KEAP1: variants seen among roughly 807,000 people sequenced by gnomAD.
The protein encoded by KEAP1 is kelch like ECH associated protein 1.
In KEAP1, 26 loss-of-function variants were observed where a neutral mutation model predicts 59.7. The ratio of observed to expected loss-of-function variants is 0.44; its 90% CI spans 0.32 to 0.60. KEAP1 has a LOEUF of 0.60. KEAP1 is among the 20% of genes least tolerant of loss of function. The pLI is 0.06. For missense variants in KEAP1, 539 were observed against 871.4 expected (o/e 0.62, Z 4.80); for synonymous variants, 350 against 358.3 (o/e 0.98, Z 0.26).
In KEAP1 at chr19:10,486,821, G is replaced by A. The variant is rs2144579068; in HGVS notation, c.1709-3C>T. On this transcript the variant is annotated splice_region_variant and splice_polypyrimidine_tract_variant and intron_variant, in intron 5 of 5. Transcript: ENST00000171111. ...GAACGTGTGACCATCATAGCCTCCT[G>A]CGGGAAGAACAGAAGGGATGGTCAC... 6.2e-7 allele frequency: 1 copy of A among 1,611,674 alleles called. No individual in the cohort carries two copies. Among genetic ancestry groups the A allele is most frequent in the East Asian group, 2.2e-5 (1 of 44,804 alleles).
chr19:10,492,272 G>A lies in KEAP1; in HGVS notation c.640-10C>T. 1 of 1,601,844 alleles carries A rather than the reference G, an allele frequency of 6.2e-7. No individual in the cohort carries two copies. Reference sequence around the variant, plus strand: ...CCTCTTGCTTGGCCACCTGCAGAGGGCGACAGTGGGACGGGCTGACTCTCC... The same window carrying A: ...CCTCTTGCTTGGCCACCTGCAGAGGACGACAGTGGGACGGGCTGACTCTCC... On this transcript the variant is annotated splice_polypyrimidine_tract_variant and intron_variant, in intron 2 of 5. Transcript: ENST00000171111.
intron 2 of KEAP1, among the ~76,000 whole-genome samples, chr19:10,494,475 C>T (rs1239749328): frequency 1.2e-4 from 18 of 149,326 alleles, no homozygotes; most frequent in South Asian, 4.3e-4. Flanking sequence ...GGACTACAGG[C>T]GCCCACCACC....
chr19:10,500,664 C>T (rs1016439640), intron 1 of KEAP1, among the ~76,000 whole-genome samples: 21 of 149,600 alleles, frequency 1.4e-4, no homozygotes, highest in Non-Finnish European at 3.0e-4. Context: ...ACGTGAGAAT[C>T]GGGTGCAGTT....
intron 1 of KEAP1, among the ~76,000 whole-genome samples, chr19:10,500,681 C>CTTTT (rs539575991): frequency 7.8e-6 from 1 of 128,720 alleles, no homozygotes; most frequent in African/African-American, 2.9e-5. Flanking sequence ...AGTTTGTTTG[C>CTTTT]TTTTTTTTTT....
chr19:10,492,657 G>A (rs1218757367), intron 2 of KEAP1: 11 of 203,412 alleles, frequency 5.4e-5, no homozygotes, highest in African/African-American at 2.1e-4. Flanking sequence ...GGCGGGAGGC[G>A]GAGGTTGCAG....
At chr19:10,490,334 A>G (rs1440918144) in intron 3 of KEAP1, 1 of 125,834 alleles carries the variant, frequency 7.9e-6, no homozygotes, top group African/African-American at 3.1e-5. Flanking sequence ...TGAAGCTTCA[A>G]ACTTTTTTTT....
intron 2 of KEAP1, among the ~76,000 whole-genome samples, chr19:10,493,722 T>C (rs1354842919): frequency 4.0e-5 from 6 of 151,262 alleles, no homozygotes; most frequent in Non-Finnish European, 8.8e-5. Context: ...CCACCGTGCC[T>C]GGCTAATATT....
Position 10,499,398 on chromosome 19 carries a change from C to T in KEAP1, c.636G>A (p.Gly212=), listed in dbSNP as rs1416309989. The T allele has an allele frequency of 5.6e-6, 9 of 1,594,756 alleles. No individual in the cohort carries two copies. The highest frequency in any genetic ancestry group is 7.7e-6 in the Non-Finnish European group (9 of 1,171,348). The change falls in exon 2 of 6, where the codon GGG becomes GGA. Residue 212 remains glycine, a synonymous_variant. Coordinates refer to ENST00000171111, the MANE Select transcript of KEAP1 (RefSeq NM_203500.2). This position sits in a 1 kb window ranked among gnomAD's most constrained non-coding sequence, Gnocchi z 6.7. ...RAREYIYMHF[G]EVAKQEEFFN... ...CCAGCCCCACTTCCCCGCTCACCTC[C>T]CCAAAATGCATGTAGATGTACTCCC...
rs770882251 is a variant in KEAP1 at position 10,499,785 on chromosome 19, G to A, written c.249C>T (p.Val83=). The A allele has an allele frequency of 3.7e-6, 6 of 1,613,954 alleles. No homozygotes were observed. The East Asian group carries it at 1.1e-4, about 30-fold the overall frequency. Residue 83 remains valine (V), a synonymous_variant, in exon 2 of 6, where the codon GTC becomes GTT. Coordinates refer to ENST00000171111, the MANE Select transcript of KEAP1 (RefSeq NM_203500.2). The surrounding 1 kb of genome is among the most constrained non-coding windows in gnomAD (Gnocchi z 6.7). Reference sequence around the variant, plus strand: ...GGGCGGCCGGTGCATCCTGGTACTTGACCTGCAGTGTGACGTCACACAGCT... The same window carrying A: ...GGGCGGCCGGTGCATCCTGGTACTTAACCTGCAGTGTGACGTCACACAGCT... ...SQQLCDVTLQ[V]KYQDAPAAQF...
At chr19:10,496,640 A>G (rs1914861789) in intron 2 of KEAP1, among the ~76,000 whole-genome samples, 1 of 151,624 alleles carries the variant, frequency 6.6e-6, no homozygotes, top group Non-Finnish European at 1.5e-5. Context: ...TGTCTCTACT[A>G]AAAATACAAA....
In KEAP1 at chr19:10,500,184, G is replaced by A. The variant is rs1914993009; in HGVS notation, c.-47-104C>T. ...AAGCAATTCCTAGGTCAGTTTTCCT[G>A]CAAAGTAGGTGAAGCAGAATCCATT... On this transcript the variant is annotated intron_variant, in intron 1 of 5. Transcript: ENST00000171111. 5.0e-6 allele frequency: 4 copies of A among 804,186 alleles called. No individual in the cohort carries two copies. The East Asian group carries it at 1.1e-4, about 22-fold the overall frequency. The allele number at this position is 804,186 out of a possible 1,614,324, so 49.8% of individuals were successfully genotyped here. A position where few individuals can be genotyped will look rare whatever the true frequency, so the allele number is the denominator to read the frequency against.
intron 3 of KEAP1, 117 bp from the exon 4 acceptor site, chr19:10,489,970 C>T (rs1914613984): frequency 9.8e-7 from 1 of 1,018,894 alleles, no homozygotes; most frequent in Admixed American, 2.4e-5. Flanking sequence ...GAGACAGGTT[C>T]ATCCGGCGCG....
chr19:10,498,199 C>CTT lies in KEAP1; in HGVS notation c.639+1194_639+1195dup, dbSNP rs35066564. 2.9e-3 allele frequency among the ~76,000 whole-genome samples: 312 copies of CTT among 106,118 alleles called. 17 individuals are homozygous for CTT. The East Asian group carries it at 0.033, about 11-fold the overall frequency. 69.6% of individuals were successfully genotyped at this position (106,118 alleles called of 152,430 possible). A position where few individuals can be genotyped will look rare whatever the true frequency, so the allele number is the denominator to read the frequency against. ...ATAGGCATGAGCCACCGCGCCCAGG[C>CTT]TTTTTTTTTTTTTTTTTTGAGACAG... On this transcript the variant is annotated intron_variant, in intron 2 of 5. Coordinates refer to ENST00000171111, the MANE Select transcript of KEAP1 (RefSeq NM_203500.2).
At chr19:10,489,577 C>A (rs1914597109) in intron 4 of KEAP1, 71 bp downstream of exon 4, 28 of 1,553,230 alleles carry the variant, frequency 1.8e-5, no homozygotes, top group Non-Finnish European at 2.2e-5. Flanking sequence ...CTCTCCCAGG[C>A]CTGGCTCAGT....
intron 5 of KEAP1, 72 bp downstream of exon 5, chr19:10,489,120 A>G (rs1188144832): frequency 1.2e-5 from 11 of 920,602 alleles, no homozygotes; most frequent in East Asian, 8.5e-5. Context: ...AAAAAAAAAA[A>G]GGAAAGCAAA....
In KEAP1 at chr19:10,503,000, G is replaced by A. The variant is rs1915097999; in HGVS notation, c.-48+241C>T. 2.0e-5 allele frequency: 3 copies of A among 152,134 alleles called. 1 individual carries two copies. The South Asian group carries it at 6.2e-4, about 32-fold the overall frequency. 9.4% of individuals were successfully genotyped at this position (152,134 alleles called of 1,614,324 possible). On this transcript the variant is annotated intron_variant, in intron 1 of 5. Transcript: ENST00000171111. This position sits in a 1 kb window ranked among gnomAD's most constrained non-coding sequence, Gnocchi z 4.0. ...TTAGCCGCGTGGTCCGAGTCGCGGG[G>A]AGTCTGAACCCCGAGTTCCAGGCCT... is the stretch of plus-strand genomic sequence containing the variant.
At position 10,486,731 on chromosome 19, in the gene KEAP1, G is replaced by A. The variant is rs1427393830; in HGVS notation, c.1796C>T (p.Ser599Leu). 9.9e-6 allele frequency: 16 copies of A among 1,614,058 alleles called. No individual in the cohort carries two copies. Among genetic ancestry groups the A allele is most frequent in the Non-Finnish European group, 1.4e-5 (16 of 1,180,026 alleles). The change falls in exon 6 of 6, where the codon TCG (serine) becomes TTG (leucine). Residue 599 changes from serine to leucine, a missense_variant. By Grantham distance (145) the Ser-to-Leu change is moderately radical (BLOSUM62 -2). Coordinates refer to ENST00000171111, the MANE Select transcript of KEAP1 (RefSeq NM_203500.2). ...DTWSEVTRMT[S>L]GRSGVGVAVT... ...AGCCACGCCCACCCCACTCCGGCCC[G>A]ATGTCATTCGGGTCACCTCGCTCCA... is the stretch of plus-strand genomic sequence containing the variant.
chr19:10,495,863 A>G (rs1161374518), intron 2 of KEAP1, among the ~76,000 whole-genome samples: 1 of 152,170 alleles, frequency 6.6e-6, no homozygotes, highest in South Asian at 2.1e-4. Flanking sequence ...AAGTAAGGCT[A>G]CTTCTAGGGT....
At chr19:10,488,379 G>A (rs2144583261) in intron 5 of KEAP1, among the ~76,000 whole-genome samples, 1 of 152,152 alleles carries the variant, frequency 6.6e-6, no homozygotes, top group Non-Finnish European at 1.5e-5. Context: ...TTGGGAGGCT[G>A]AGGTGGGCAG....
Sources: allele counts gnomAD v4.1 joint callset (sites outside exome capture counted in the v4.1 genomes callset), GRCh38; gene constraint gnomAD v4.1.1; non-coding constraint Gnocchi (gnomAD v3.1); transcripts MANE v1.5; gene names NCBI Gene and HGNC (gene_info 2026-07-23, HGNC 2026-07-21).